Variants in SLC25A23 observed in about 807,000 individuals in gnomAD.
SLC25A23 encodes the protein solute carrier family 25 member 23.
In SLC25A23, 32 loss-of-function variants were observed where a neutral mutation model predicts 53.9. The ratio of observed to expected loss-of-function variants is 0.59; its 90% CI spans 0.45 to 0.80. SLC25A23 has a LOEUF of 0.80. Ranked by LOEUF, SLC25A23 falls within the 30% of genes least tolerant of loss-of-function variation. SLC25A23 has a pLI of 0.00. For missense variants in SLC25A23, 575 were observed against 651.4 expected (o/e 0.88, Z 1.28); for synonymous variants, 275 against 264.5 (o/e 1.04, Z -0.38).
chr19:6,447,192 A>G (rs551832391), intron 8 of SLC25A23, among the ~76,000 whole-genome samples: 1 of 152,232 alleles, frequency 6.6e-6, no homozygotes, highest in African/African-American at 2.4e-5. Flanking sequence ...AAACTAACAT[A>G]CTCATACTGT....
chr19:6,455,815 T>A (rs1475608392), intron 4 of SLC25A23: 1 of 299,296 alleles, frequency 3.3e-6, no homozygotes, highest in East Asian at 9.5e-5. Flanking sequence ...GCCTCCTGGG[T>A]TCACGCCATT....
chr19:6,452,635 A>C, intron 7 of SLC25A23, 156 bp from the exon 8 acceptor site: 2 of 823,368 alleles, frequency 2.4e-6, no homozygotes, highest in Non-Finnish European at 3.6e-6. Context: ...CTATCCCCAA[A>C]TCCCTATACC....
chr19:6,445,758 A>T (rs924120195), intron 8 of SLC25A23, among the ~76,000 whole-genome samples: 2 of 152,024 alleles, frequency 1.3e-5, no homozygotes, highest in Non-Finnish European at 2.9e-5. Context: ...AAAAACAGCA[A>T]CAGCAACAAA....
In SLC25A23 at chr19:6,454,079, C is replaced by A. The variant is rs1169246548; in HGVS notation, c.805G>T (p.Ala269Ser). The A allele has an allele frequency of 1.2e-6, 2 of 1,612,590 alleles. No individual in the cohort carries two copies. The highest frequency in any genetic ancestry group is 2.2e-5 in the South Asian group (2 of 90,928). ...AGTGTCTCCTGCTGCCCCAGGATGG[C>A]CCTCTTGATCTGAGGCGGGGAGACA... ...KFMAYEQIKR[A>S]ILGQQETLHV... is the part of the protein sequence containing the mutation. The change falls in exon 7 of 10, where the codon GCC becomes TCC. Residue 269 changes from alanine (A) to serine (S), a missense_variant. By Grantham distance (99) the Ala-to-Ser change is moderately conservative. Coordinates refer to ENST00000301454, the MANE Select transcript of SLC25A23 (RefSeq NM_024103.3). This position sits in a 1 kb window ranked among gnomAD's most constrained non-coding sequence, Gnocchi z 4.3.
At chr19:6,452,715 T>C in intron 7 of SLC25A23, 1 of 469,128 alleles carries the variant, frequency 2.1e-6, no homozygotes, top group Non-Finnish European at 3.7e-6. Flanking sequence ...ATATCTTTCT[T>C]TTATTTTTTG....
At chr19:6,446,220 C>A (rs1029324573) in intron 8 of SLC25A23, among the ~76,000 whole-genome samples, 12 of 151,830 alleles carry the variant, frequency 7.9e-5, no homozygotes, top group African/African-American at 2.9e-4. Flanking sequence ...CAAAATTAGC[C>A]GGTGTGGTGG....
At chr19:6,456,850 T>C (rs1384428929) in intron 3 of SLC25A23, among the ~76,000 whole-genome samples, 1 of 151,774 alleles carries the variant, frequency 6.6e-6, no homozygotes, top group Non-Finnish European at 1.5e-5. Flanking sequence ...CAGCAAATTT[T>C]TGTATTTTTA....
chr19:6,445,789 C>T (rs529036015), intron 8 of SLC25A23, among the ~76,000 whole-genome samples: 1 of 152,094 alleles, frequency 6.6e-6, no homozygotes, highest in South Asian at 2.1e-4. Context: ...TGGTGACTCA[C>T]GCCTGTAATC....
intron 3 of SLC25A23, among the ~76,000 whole-genome samples, chr19:6,457,224 G>T (rs566254588): frequency 6.6e-6 from 1 of 151,668 alleles, no homozygotes; most frequent in African/African-American, 2.4e-5. Flanking sequence ...GCACCACCAC[G>T]CCTGGCCAAT....
rs182283337 is a variant in SLC25A23, at chr19:6,455,323, C to T, written c.484-606G>A. On this transcript the variant is annotated intron_variant, in intron 4 of 9. Transcript: ENST00000301454. ...CAAATGAGATTCTACTGAAGGATCC[C>T]ACTCAAGGGTTTTCCATATAATGAT... 1.9e-3 allele frequency among the ~76,000 whole-genome samples: 294 copies of T among 152,202 alleles called. 2 individuals carry two copies. The highest frequency in any genetic ancestry group is 2.0e-3 in the Non-Finnish European group (135 of 68,004).
chr19:6,454,257 G>T lies in SLC25A23; in HGVS notation c.795+66C>A. The T allele has an allele frequency of 6.4e-7, 1 of 1,562,000 alleles. No individual in the cohort carries two copies. The highest frequency in any genetic ancestry group is 8.7e-7 in the Non-Finnish European group (1 of 1,150,926). On this transcript the variant is annotated intron_variant, in intron 6 of 9. Transcript: ENST00000301454. This position sits in a 1 kb window ranked among gnomAD's most constrained non-coding sequence, Gnocchi z 4.3. Reference sequence around the variant, plus strand: ...CACCACCCACCCCCAAGCCAATCCCGTAAATCTTTATGTACAGCCCAGTCT... The same window carrying T: ...CACCACCCACCCCCAAGCCAATCCCTTAAATCTTTATGTACAGCCCAGTCT...
At chr19:6,453,897 G>A in intron 7 of SLC25A23, 84 bp downstream of exon 7, 1 of 1,115,120 alleles carries the variant, frequency 9.0e-7, no homozygotes, top group Non-Finnish European at 1.3e-6. Flanking sequence ...AAATCCCAAT[G>A]GATATTGTGA....
intron 8 of SLC25A23, among the ~76,000 whole-genome samples, chr19:6,447,584 G>T (rs1444408876): frequency 6.6e-6 from 1 of 152,192 alleles, no homozygotes; most frequent in African/African-American, 2.4e-5. Context: ...CCAGGTTCAA[G>T]TGATTCTCCT....
intron 8 of SLC25A23, among the ~76,000 whole-genome samples, chr19:6,449,639 CT>C (rs2092558452): frequency 6.6e-6 from 1 of 151,918 alleles, no homozygotes; most frequent in Admixed American, 6.6e-5. Flanking sequence ...TGGTCTCGAT[CT>C]CTTGACCTTG....
chr19:6,450,484 G>A (rs2092572854), intron 8 of SLC25A23, among the ~76,000 whole-genome samples: 1 of 152,108 alleles, frequency 6.6e-6, no homozygotes, highest in Non-Finnish European at 1.5e-5. Flanking sequence ...CCTTGTTTAT[G>A]GGAATGGGCA....
At chr19:6,440,062 T>A (rs1423079535), downstream of SLC25A23, 3 of 152,076 alleles carry the variant, frequency 2.0e-5, no homozygotes, top group African/African-American at 7.2e-5. Flanking sequence ...AAAACCACAA[T>A]AAAAGAGCTT....
At chr19:6,438,720 G>A (rs143905650), downstream of SLC25A23, 115 of 262,128 alleles carry the variant, frequency 4.4e-4, no homozygotes, top group East Asian at 1.0e-3. Context: ...GTGGTGGTGC[G>A]CACCTGTAAT....
At chr19:6,442,209 C>T in intron 9 of SLC25A23, 50 bp from the exon 10 acceptor site, 1 of 1,318,914 alleles carries the variant, frequency 7.6e-7, no homozygotes, top group South Asian at 1.5e-5. Context: ...TCCCCTTTCA[C>T]TTCCCCCTCC....
chr19:6,441,716 T>C lies in SLC25A23; in HGVS notation c.*259A>G. On this transcript the variant is annotated 3_prime_UTR_variant, in exon 10 of 10. Coordinates refer to ENST00000301454, the MANE Select transcript of SLC25A23 (RefSeq NM_024103.3). ...GTTGCTGAAGTAAGGGATCCACAGT[T>C]ATGGTTACAGGGGGATCTGGGATCT... 1.9e-6 allele frequency: 1 copy of C among 519,700 alleles called. No individual in the cohort carries two copies. The highest frequency in any genetic ancestry group is 2.1e-5 in the South Asian group (1 of 48,032). 32.2% of individuals were successfully genotyped at this position (519,700 alleles called of 1,614,324 possible). A position where few individuals can be genotyped will look rare whatever the true frequency, so the allele number is the denominator to read the frequency against.
Sources: allele counts gnomAD v4.1 joint callset (sites outside exome capture counted in the v4.1 genomes callset), GRCh38; gene constraint gnomAD v4.1.1; non-coding constraint Gnocchi (gnomAD v3.1); transcripts MANE v1.5; gene names NCBI Gene and HGNC (gene_info 2026-07-23, HGNC 2026-07-21).